MAN2A1: variants seen among roughly 807,000 people sequenced by gnomAD.
MAN2A1 encodes mannosidase alpha class 2A member 1.
In MAN2A1, 76 loss-of-function variants were observed where a neutral mutation model predicts 142.6. The observed-to-expected ratio is 0.53, with a 90% confidence interval of 0.44 to 0.65. The LOEUF is 0.65. MAN2A1 is among the 30% of genes least tolerant of loss of function. MAN2A1 has a pLI of 0.00. For synonymous variants in MAN2A1, 559 were observed against 473.2 expected, an observed-to-expected ratio of 1.18 and a Z score of -2.35; for missense variants, 1,311 against 1,365.1, an observed-to-expected ratio of 0.96 and a Z score of 0.62.
At chr5:109,727,239 G>A (rs1582828947) in intron 3 of MAN2A1, among the ~76,000 whole-genome samples, 1 of 152,018 alleles carries the variant, frequency 6.6e-6, no homozygotes, top group East Asian at 1.9e-4. Flanking sequence ...TTCACAGTTC[G>A]AGGCTAGAAG....
chr5:109,847,383 A>T (rs1388378513), intron 18 of MAN2A1, among the ~76,000 whole-genome samples: 1 of 152,198 alleles, frequency 6.6e-6, no homozygotes, highest in Non-Finnish European at 1.5e-5. Context: ...TTAAATTTTG[A>T]TCTGTCCTGT....
chr5:109,859,145 A>C (rs151222922), intron 20 of MAN2A1, among the ~76,000 whole-genome samples: 3 of 152,236 alleles, frequency 2.0e-5, no homozygotes, highest in Admixed American at 6.5e-5. Context: ...AGCTAAGTTA[A>C]ATGATAAAAA....
At chr5:109,758,058 G>A (rs1212295008) in intron 5 of MAN2A1, among the ~76,000 whole-genome samples, 6 of 152,086 alleles carry the variant, frequency 3.9e-5, no homozygotes, top group African/African-American at 1.4e-4. Context: ...TAGAATTGCT[G>A]AGTTATATGG....
At chr5:109,755,190 G>A (rs540650520) in intron 4 of MAN2A1, 139 bp from the exon 5 acceptor site, 1 of 649,056 alleles carries the variant, frequency 1.5e-6, no homozygotes, top group Non-Finnish European at 2.6e-6. Flanking sequence ...TTCATTCACT[G>A]GTTTAAACAC....
chr5:109,812,753 C>A (rs1754352487), intron 12 of MAN2A1, among the ~76,000 whole-genome samples: 1 of 152,072 alleles, frequency 6.6e-6, no homozygotes, highest in Non-Finnish European at 1.5e-5. Context: ...TTGAAAAGCA[C>A]TTTTTAAGGA....
chr5:109,767,662 C>T lies in MAN2A1; in HGVS notation c.963C>T (p.His321=). 6.2e-7 allele frequency: 1 copy of T among 1,613,496 alleles called. No individual in the cohort carries two copies. The highest frequency in any genetic ancestry group is 8.5e-7 in the Non-Finnish European group (1 of 1,179,634). ...IQRVHYAVKK[H]FALHKTLEFF... is the part of the protein sequence containing the mutation. ...GAGTTCATTATGCAGTTAAAAAACACTTTGCACTGCATAAAACATTGGAGT... is the reference window on the plus strand; with the variant it reads ...GAGTTCATTATGCAGTTAAAAAACATTTTGCACTGCATAAAACATTGGAGT... Residue 321 remains histidine, a synonymous_variant, in exon 6 of 22, where the codon CAC becomes CAT. Coordinates refer to ENST00000261483, the MANE Select transcript of MAN2A1 (RefSeq NM_002372.4).
chr5:109,735,482 A>T (rs1051473101), intron 4 of MAN2A1, among the ~76,000 whole-genome samples: 1 of 152,078 alleles, frequency 6.6e-6, no homozygotes, highest in Non-Finnish European at 1.5e-5. Flanking sequence ...GGTCTTTACA[A>T]TTTGGCATGA....
intron 10 of MAN2A1, 50 bp from the exon 11 acceptor site, chr5:109,788,884 A>G (rs761395487): frequency 7.2e-6 from 6 of 837,228 alleles, no homozygotes; most frequent in African/African-American, 3.4e-5. Flanking sequence ...AAAATATTGT[A>G]TGCAGATTTT....
chr5:109,866,729 A>G lies in MAN2A1; in HGVS notation c.3283-117A>G, dbSNP rs182763159. 1.4e-3 allele frequency: 832 copies of G among 599,238 alleles called. 12 individuals carry two copies. The East Asian group carries it at 0.022, about 16-fold the overall frequency. 37.1% of individuals were successfully genotyped at this position (599,238 alleles called of 1,614,324 possible). A position where few individuals can be genotyped will look rare whatever the true frequency, so the allele number is the denominator to read the frequency against. On this transcript the variant is annotated intron_variant, in intron 21 of 21. Transcript: ENST00000261483. Reference sequence around the variant, plus strand: ...TTTAATCCACCCTTTTTTCCTCAAAAGAGAACTTCAACATACTGTTTTATT... The same window carrying G: ...TTTAATCCACCCTTTTTTCCTCAAAGGAGAACTTCAACATACTGTTTTATT...
chr5:109,800,479 C>T (rs2112695980), intron 12 of MAN2A1, among the ~76,000 whole-genome samples: 2 of 152,260 alleles, frequency 1.3e-5, no homozygotes, highest in South Asian at 4.1e-4. Context: ...ATCTGTCCTG[C>T]AGAAATAATC....
chr5:109,766,308 C>T (rs1260219363), intron 5 of MAN2A1, among the ~76,000 whole-genome samples: 1 of 152,148 alleles, frequency 6.6e-6, no homozygotes, highest in African/African-American at 2.4e-5. Context: ...TAAATCCGTG[C>T]TACCACAAAA....
chr5:109,770,124 T>C (rs940161821), intron 6 of MAN2A1, among the ~76,000 whole-genome samples: 1 of 152,182 alleles, frequency 6.6e-6, no homozygotes, highest in Non-Finnish European at 1.5e-5. Context: ...CTTTCCTGTC[T>C]CTGCTATGCT....
At chr5:109,830,954 A>G (rs951158042) in intron 16 of MAN2A1, among the ~76,000 whole-genome samples, 3 of 152,232 alleles carry the variant, frequency 2.0e-5, no homozygotes, top group Non-Finnish European at 4.4e-5. Flanking sequence ...ATAACTCCTT[A>G]GCAAAGAAGC....
At chr5:109,789,090 C>A (rs751380082) in intron 11 of MAN2A1, 42 bp downstream of exon 11, 1 of 1,030,890 alleles carries the variant, frequency 9.7e-7, no homozygotes, top group Non-Finnish European at 1.5e-6. Flanking sequence ...ATGTGTAATT[C>A]CATTGTTCTT....
chr5:109,862,883 A>G (rs1412767349), intron 20 of MAN2A1: 1 of 152,214 alleles, frequency 6.6e-6, no homozygotes, highest in Non-Finnish European at 1.5e-5. Flanking sequence ...GAGAAAGTAT[A>G]ACTTTTTCTA....
chr5:109,808,422 C>T (rs1754228917), intron 12 of MAN2A1, among the ~76,000 whole-genome samples: 1 of 151,982 alleles, frequency 6.6e-6, no homozygotes, highest in Non-Finnish European at 1.5e-5. Context: ...TTATATTTCA[C>T]TGCTTATTCT....
At chr5:109,835,659 GAT>G (rs1320472887) in intron 16 of MAN2A1, among the ~76,000 whole-genome samples, 1 of 152,186 alleles carries the variant, frequency 6.6e-6, no homozygotes, top group African/African-American at 2.4e-5. Flanking sequence ...ACTTTGCTGG[GAT>G]ATGAGTGAGG....
At chr5:109,731,185 CCTCAAA>C (rs1030608474) in intron 4 of MAN2A1, among the ~76,000 whole-genome samples, 1 of 151,578 alleles carries the variant, frequency 6.6e-6, no homozygotes, top group Non-Finnish European at 1.5e-5. Context: ...ATATCTGTCA[CCTCAAA>C]CATTTATCAT....
chr5:109,829,806 ATTGTTAGTTCTCTTCAG>A (rs1310462875), intron 16 of MAN2A1, among the ~76,000 whole-genome samples: 5 of 152,156 alleles, frequency 3.3e-5, no homozygotes, highest in Non-Finnish European at 5.9e-5. Flanking sequence ...TAAGCTGCTA[ATTGTTAGTTCTCTTCAG>A]TTAGAGCAGG....
Sources: allele counts gnomAD v4.1 joint callset (sites outside exome capture counted in the v4.1 genomes callset), GRCh38; gene constraint gnomAD v4.1.1; transcripts MANE v1.5; gene names NCBI Gene and HGNC (gene_info 2026-07-23, HGNC 2026-07-21).